LRP12: variants seen among roughly 807,000 people sequenced by gnomAD.
The protein encoded by LRP12 is low-density lipoprotein receptor-related protein 12.
A neutral mutation model predicts 66.0 loss-of-function variants in LRP12; 14 were observed. The ratio of observed to expected loss-of-function variants is 0.21; its 90% CI spans 0.14 to 0.33. LRP12 has a LOEUF of 0.33. Among genes scored for constraint, LRP12 ranks in the 10% least tolerant of loss-of-function variants. LRP12 has a pLI of 1.00. For missense variants in LRP12, 889 were observed against 1,053.4 expected (o/e 0.84, Z 2.16); for synonymous variants, 357 against 359.1 (o/e 0.99, Z 0.07).
In LRP12 at chr8:104,527,486, G is replaced by A. The variant is rs532979498; in HGVS notation, c.136+4421C>T. Among the ~76,000 whole-genome samples, 175 of 150,980 alleles carry A rather than the reference G, an allele frequency of 1.2e-3. 1 individual carries two copies. The highest frequency in any genetic ancestry group is 4.0e-3 in the African/African-American group (163 of 40,920). On this transcript the variant is annotated intron_variant, in intron 2 of 6. Coordinates refer to ENST00000276654, the MANE Select transcript of LRP12 (RefSeq NM_013437.5). Reference sequence around the variant, plus strand: ...AGAAAATGTGGCACATATACACCATGGAATACTATGCAGCCATAAAAAATG... The same window carrying A: ...AGAAAATGTGGCACATATACACCATAGAATACTATGCAGCCATAAAAAATG...
intron 1 of LRP12, among the ~76,000 whole-genome samples, chr8:104,540,175 A>G (rs1233736249): frequency 6.6e-6 from 1 of 152,136 alleles, no homozygotes; most frequent in Non-Finnish European, 1.5e-5. Flanking sequence ...GTCCACACAT[A>G]CTATATGAGG....
At chr8:104,580,388 G>C (rs1305731741) in intron 1 of LRP12, among the ~76,000 whole-genome samples, 2 of 151,086 alleles carry the variant, frequency 1.3e-5, no homozygotes, top group African/African-American at 2.4e-5. Context: ...AAATTAGCCG[G>C]GCATGGTGGT....
intron 1 of LRP12, among the ~76,000 whole-genome samples, chr8:104,546,575 C>T (rs185903054): frequency 6.6e-6 from 1 of 152,142 alleles, no homozygotes; most frequent in Non-Finnish European, 1.5e-5. Flanking sequence ...TTTTCTCATA[C>T]AATTAACTTA....
intron 1 of LRP12, among the ~76,000 whole-genome samples, chr8:104,567,026 A>G (rs1774342123): frequency 6.6e-6 from 1 of 152,076 alleles, no homozygotes; most frequent in African/African-American, 2.4e-5. Flanking sequence ...CAAAAATGAC[A>G]GGACAAAAAA....
At chr8:104,541,542 A>G (rs928617154) in intron 1 of LRP12, among the ~76,000 whole-genome samples, 1 of 152,208 alleles carries the variant, frequency 6.6e-6, no homozygotes, top group Non-Finnish European at 1.5e-5. Context: ...TTTCAAGTGC[A>G]CAATGGGTGG....
chr8:104,588,144 T>C (rs1284870421), intron 1 of LRP12, among the ~76,000 whole-genome samples: 1 of 152,094 alleles, frequency 6.6e-6, no homozygotes, highest in African/African-American at 2.4e-5. Context: ...GAAATTACAA[T>C]TGAACTAGGA....
rs1012832788 is a variant in LRP12, at chr8:104,495,836, C to T, written c.1581-627G>A. The T allele has an allele frequency of 3.7e-4, 56 of 152,090 alleles. No homozygotes were observed. In the Middle Eastern group the frequency reaches 0.01, roughly 28 times the overall value. 9.4% of individuals were successfully genotyped at this position (152,090 alleles called of 1,614,324 possible). ...ACTTGGGAGGCTGAGGCAGGAGAAT[C>T]GCTTGAACCTGGGAGACGGAGTGCA... On this transcript the variant is annotated intron_variant, in intron 5 of 6. Transcript: ENST00000276654.
intron 2 of LRP12, among the ~76,000 whole-genome samples, chr8:104,518,082 T>C (rs1811097131): frequency 6.6e-6 from 1 of 152,078 alleles, no homozygotes; most frequent in South Asian, 2.1e-4. Flanking sequence ...GTTTGAAAAC[T>C]TAAAAGGCTA....
At chr8:104,491,695 C>G (rs1481707169) in intron 6 of LRP12, among the ~76,000 whole-genome samples, 156 bp from the exon 7 acceptor site, 1 of 151,864 alleles carries the variant, frequency 6.6e-6, no homozygotes, top group Non-Finnish European at 1.5e-5. Context: ...ATTCTCTTAC[C>G]TATGTGGGTT....
chr8:104,530,065 G>C (rs1564136965), intron 2 of LRP12, among the ~76,000 whole-genome samples: 1 of 151,874 alleles, frequency 6.6e-6, no homozygotes, highest in Non-Finnish European at 1.5e-5. Flanking sequence ...TGTTCTTATT[G>C]TTTTTTGTTT....
At chr8:104,494,515 T>A (rs1045793261) in intron 6 of LRP12, among the ~76,000 whole-genome samples, 12 of 152,180 alleles carry the variant, frequency 7.9e-5, no homozygotes, top group Non-Finnish European at 1.3e-4. Context: ...TCCTTATGCC[T>A]AAAATGAACA....
intron 3 of LRP12, among the ~76,000 whole-genome samples, chr8:104,501,695 C>A (rs1305345800): frequency 7.1e-6 from 1 of 140,104 alleles, no homozygotes; most frequent in Admixed American, 7.5e-5. Flanking sequence ...CAGAGCAAGA[C>A]TCCACCTCAA....
chr8:104,491,571 TAAC>T (rs753568701), intron 6 of LRP12, 32 bp from the exon 7 acceptor site: 44 of 1,408,512 alleles, frequency 3.1e-5, no homozygotes, highest in Middle Eastern at 1.8e-4. Context: ...TTAAGATAGT[TAAC>T]AACAAGGTAC....
In LRP12 at chr8:104,588,901, C is replaced by T; in HGVS notation, c.-4G>A. The T allele has an allele frequency of 6.2e-7, 1 of 1,605,940 alleles. No individual in the cohort carries two copies. ...TTGTGCTCCAGCGACAGGCCATAAC[C>T]ACAGCAGATGGAGAGAGAGAGGAGG... On this transcript the variant is annotated 5_prime_UTR_variant, in exon 1 of 7. Coordinates refer to ENST00000276654, the MANE Select transcript of LRP12 (RefSeq NM_013437.5).
In LRP12 at chr8:104,491,306, G is replaced by A. The variant is rs200429668; in HGVS notation, c.1947C>T (p.Ser649=). 38 of 1,613,980 alleles carry A rather than the reference G, an allele frequency of 2.4e-5. No individual in the cohort carries two copies. The highest frequency in any genetic ancestry group is 1.6e-4 in the Middle Eastern group (1 of 6,062). The change falls in exon 7 of 7, where the codon TCC becomes TCT. Residue 649 remains serine (S), a synonymous_variant. Transcript: ENST00000276654. ...CTGTGTCTGTATCATCAGACTCCAC[G>A]GAAAACAAACTTCTGTGAGTATGAT... is the stretch of plus-strand genomic sequence containing the variant. ...ERNHTHRSLF[S]VESDDTDTEN...
intron 1 of LRP12, among the ~76,000 whole-genome samples, chr8:104,572,792 C>T (rs1273428756): frequency 1.3e-5 from 2 of 151,868 alleles, no homozygotes; most frequent in African/African-American, 4.8e-5. Flanking sequence ...GAGTTATTTC[C>T]CCAAAGGCAT....
chr8:104,589,007 G>A lies in LRP12; in HGVS notation c.-110C>T, dbSNP rs970100852. On this transcript the variant is annotated 5_prime_UTR_variant, in exon 1 of 7. Coordinates refer to ENST00000276654, the MANE Select transcript of LRP12 (RefSeq NM_013437.5). Reference sequence around the variant, plus strand: ...CCGCCGCCGCCGCCGCCGAGCCACCGGCTGCTCCCTGCGCTCTCCGCGGCT... The same window carrying A: ...CCGCCGCCGCCGCCGCCGAGCCACCAGCTGCTCCCTGCGCTCTCCGCGGCT... 17 of 552,352 alleles carry A rather than the reference G, an allele frequency of 3.1e-5. 3 individuals are homozygous for A. In the Admixed American group the frequency reaches 3.3e-4, roughly 11 times the overall value. The allele number at this position is 552,352 out of a possible 1,614,324, so 34.2% of individuals were successfully genotyped here. A position where few individuals can be genotyped will look rare whatever the true frequency, so the allele number is the denominator to read the frequency against.
chr8:104,588,970 A>C lies in LRP12; in HGVS notation c.-73T>G, dbSNP rs188974664. The C allele has an allele frequency of 0.16, 97,032 of 598,780 alleles. 7,688 individuals carry two copies. Among genetic ancestry groups the C allele is most frequent in the African/African-American group, 0.25 (10,047 of 40,486 alleles). 37.1% of individuals were successfully genotyped at this position (598,780 alleles called of 1,614,324 possible). On this transcript the variant is annotated 5_prime_UTR_variant, in exon 1 of 7. Coordinates refer to ENST00000276654, the MANE Select transcript of LRP12 (RefSeq NM_013437.5). ...GAGAAGCTGGAGGTAGACGACGCCGACGCCGCCGCCGCCGCCGCCGCCGCC... is the reference window on the plus strand; with the variant it reads ...GAGAAGCTGGAGGTAGACGACGCCGCCGCCGCCGCCGCCGCCGCCGCCGCC...
At chr8:104,557,282 C>T (rs1033532312) in intron 1 of LRP12, among the ~76,000 whole-genome samples, 2 of 152,070 alleles carry the variant, frequency 1.3e-5, no homozygotes, top group Non-Finnish European at 2.9e-5. Flanking sequence ...AAGTCTTAGC[C>T]AGAGCAATCA....
Sources: gnomAD v4.1 joint callset for allele counts (sites outside exome capture counted in the v4.1 genomes callset) on GRCh38, gnomAD v4.1.1 for gene constraint, MANE v1.5 for transcripts, NCBI Gene and HGNC (gene_info 2026-07-23, HGNC 2026-07-21) for gene names.